The following MED12L variants were observed in gnomAD, a reference collection of about 807,000 sequenced individuals.
MED12L encodes the protein mediator complex subunit 12L.
A neutral mutation model predicts 281.3 loss-of-function variants in MED12L; 60 were observed. The observed-to-expected ratio is 0.21, with a 90% CI of 0.17 to 0.26. The LOEUF (loss-of-function observed/expected upper bound fraction) is 0.26, where lower values mean the gene tolerates loss of function less well. Among genes scored for constraint, MED12L ranks in the 10% least tolerant of loss-of-function variants. MED12L has a pLI of 1.00. For synonymous variants in MED12L, 974 were observed against 987.2 expected (o/e 0.99, Z 0.25); for missense variants, 2,146 against 2,680.9 (o/e 0.80, Z 4.41).
chr3:151,213,445 T>C (rs1209791286), intron 16 of MED12L: 1 of 1,614,166 alleles, frequency 6.2e-7, no homozygotes, highest in Non-Finnish European at 8.5e-7. Context: ...AATAATAGGG[T>C]CCAAGCATAC....
chr3:151,177,270 C>T (rs1436756571), intron 11 of MED12L, among the ~76,000 whole-genome samples: 7 of 152,268 alleles, frequency 4.6e-5, no homozygotes, highest in East Asian at 3.9e-4. Context: ...TTACATGTAA[C>T]GGTGATCCTC....
chr3:151,312,081 C>T (rs1173078056), intron 16 of MED12L, among the ~76,000 whole-genome samples: 2 of 152,136 alleles, frequency 1.3e-5, no homozygotes, highest in Non-Finnish European at 2.9e-5. Flanking sequence ...TGCAGTTTTT[C>T]CCAATTTGTC....
chr3:151,286,909 A>G (rs982863508), intron 16 of MED12L, among the ~76,000 whole-genome samples: 3 of 152,172 alleles, frequency 2.0e-5, no homozygotes, highest in African/African-American at 7.2e-5. Flanking sequence ...TCATAGTTAG[A>G]TATTGTCTGT....
chr3:151,357,295 G>C lies in MED12L; in HGVS notation c.2744G>C (p.Cys915Ser). Residue 915 changes from cysteine to serine, a missense_variant, in exon 20 of 45, where the codon TGT (cysteine) becomes TCT (serine). By Grantham distance (112) the Cys-to-Ser change is moderately radical. This residue lies in a region of MED12L where 404 missense variants were observed against 603.5 expected (regional missense o/e 0.67). Coordinates refer to ENST00000687756, the MANE Select transcript of MED12L (RefSeq NM_001393769.1). ...SLAGSYTTGLCVCIVAVLRRY... is the reference protein window; with the variant it reads ...SLAGSYTTGLSVCIVAVLRRY... Reference sequence around the variant, plus strand: ...GCAGGAAGTTATACAACAGGACTGTGTGTCTGCATCGTGGCTGTTCTCAGG... The same window carrying C: ...GCAGGAAGTTATACAACAGGACTGTCTGTCTGCATCGTGGCTGTTCTCAGG... 6.2e-7 allele frequency: 1 copy of C among 1,613,896 alleles called. No individual in the cohort carries two copies.
At chr3:151,180,189 T>C (rs1343279412) in intron 11 of MED12L, among the ~76,000 whole-genome samples, 2 of 152,188 alleles carry the variant, frequency 1.3e-5, no homozygotes, top group African/African-American at 2.4e-5. Context: ...TTCCTCAAGG[T>C]TTTAATTTCT....
At chr3:151,380,290 CA>C in intron 32 of MED12L, 66 bp downstream of exon 32, 1 of 1,109,378 alleles carries the variant, frequency 9.0e-7, no homozygotes, top group Admixed American at 2.3e-5. Context: ...ATTTGCCTTT[CA>C]AATACTGAGA....
chr3:151,326,504 C>T (rs1199431890), intron 16 of MED12L: 2 of 152,370 alleles, frequency 1.3e-5, no homozygotes, highest in Non-Finnish European at 2.9e-5. Flanking sequence ...GGATATTGGC[C>T]AGGTAATATT....
rs950019400 is a variant in MED12L at position 151,086,744 on chromosome 3, G to T, written c.-129-54G>T. Reference sequence around the variant, plus strand: ...CCGAAGGCTGTCCCCATCAGTGCGTGTCTGCTGCCGGGCAGCGGCAGCATC... The same window carrying T: ...CCGAAGGCTGTCCCCATCAGTGCGTTTCTGCTGCCGGGCAGCGGCAGCATC... On this transcript the variant is annotated intron_variant, in intron 1 of 44. Coordinates refer to ENST00000687756, the MANE Select transcript of MED12L (RefSeq NM_001393769.1). 5.3e-5 allele frequency: 29 copies of T among 543,740 alleles called. No individual in the cohort carries two copies. In the African/African-American group the frequency reaches 5.7e-4, roughly 11 times the overall value. The allele number at this position is 543,740 out of a possible 1,614,324, so 33.7% of individuals were successfully genotyped here.
At chr3:151,146,820 T>C (rs1717818305) in intron 5 of MED12L, among the ~76,000 whole-genome samples, 1 of 151,944 alleles carries the variant, frequency 6.6e-6, no homozygotes, top group African/African-American at 2.4e-5. Context: ...CCCCTCCTCC[T>C]TTTCTCTCTT....
chr3:151,339,527 A>G (rs1751521870), intron 16 of MED12L, among the ~76,000 whole-genome samples: 1 of 151,790 alleles, frequency 6.6e-6, no homozygotes, highest in South Asian at 2.1e-4. Flanking sequence ...ACGGAGATTC[A>G]TTATTCTGCT....
Position 151,243,284 on chromosome 3 carries a change from C to T in MED12L, c.2250+49618C>T, listed in dbSNP as rs377679662. 3.6e-4 allele frequency among the ~76,000 whole-genome samples: 54 copies of T among 151,150 alleles called. No homozygotes were observed. The Middle Eastern group carries it at 0.017, about 48-fold the overall frequency. ...CAGAGAACGCCACAAAGATACTCCTCGAGAAGAGCAACTCCAAGACACATA... is the reference window on the plus strand; with the variant it reads ...CAGAGAACGCCACAAAGATACTCCTTGAGAAGAGCAACTCCAAGACACATA... On this transcript the variant is annotated intron_variant, in intron 16 of 44. Transcript: ENST00000687756.
Position 151,382,755 on chromosome 3 carries a change from A to G in MED12L, c.4680+10A>G, listed in dbSNP as rs1712614135. On this transcript the variant is annotated intron_variant, in intron 33 of 44. Coordinates refer to ENST00000687756, the MANE Select transcript of MED12L (RefSeq NM_001393769.1). Reference sequence around the variant, plus strand: ...ACTCCGCCTAAATTTGGTAAGTGACATTTCTAGTATTTTCCCTCCATTAAA... The same window carrying G: ...ACTCCGCCTAAATTTGGTAAGTGACGTTTCTAGTATTTTCCCTCCATTAAA... 1.4e-5 allele frequency: 22 copies of G among 1,598,032 alleles called. No individual in the cohort carries two copies. Among genetic ancestry groups the G allele is most frequent in the Non-Finnish European group, 1.9e-5 (22 of 1,169,760 alleles).
intron 38 of MED12L, among the ~76,000 whole-genome samples, chr3:151,391,335 C>T (rs1433008474): frequency 6.6e-6 from 1 of 152,100 alleles, no homozygotes; most frequent in African/African-American, 2.4e-5. Context: ...GCCTGCAGTG[C>T]TCTCCCTCAA....
At chr3:151,088,289 C>T (rs1394512960) in intron 2 of MED12L, among the ~76,000 whole-genome samples, 2 of 152,146 alleles carry the variant, frequency 1.3e-5, no homozygotes, top group Non-Finnish European at 2.9e-5. Context: ...TTTCCAGCAC[C>T]AGCTTTACAG....
In MED12L at chr3:151,193,531, C is replaced by T; in HGVS notation, c.2115C>T (p.Asn705=). Residue 705 remains asparagine (N), a synonymous_variant, in exon 16 of 45, where the codon AAC becomes AAT. Coordinates refer to ENST00000687756, the MANE Select transcript of MED12L (RefSeq NM_001393769.1). ...PMPGESCENA[N]TSLGRRMSVN... is the part of the protein sequence containing the mutation. ...CTGGAGAATCCTGTGAGAATGCCAA[C>T]ACTTCGTTGGGCAGAAGAATGTCAG... 6.2e-7 allele frequency: 1 copy of T among 1,613,878 alleles called. No individual in the cohort carries two copies.
rs1438532551 is a variant in MED12L, at chr3:151,394,772, A to G, written c.5725A>G (p.Ile1909Val). ...AMMQPPSLHA[I>V]TSQQQLIQMK... ...GATGCAGCCGCCTTCTCTTCATGCA[A>G]TCACATCGCAGCAGCAGTTGATACA... Residue 1909 changes from isoleucine to valine, a missense_variant, in exon 39 of 45, where the codon ATC becomes GTC. Physicochemically the swap from Ile to Val is conservative, Grantham distance 29. Transcript: ENST00000687756. The G allele has an allele frequency of 4.3e-6, 7 of 1,614,228 alleles. No individual in the cohort carries two copies. Among genetic ancestry groups the G allele is most frequent in the East Asian group, 2.2e-5 (1 of 44,890 alleles).
chr3:151,306,775 C>CTGGTCAT (rs2149753744), intron 16 of MED12L, among the ~76,000 whole-genome samples: 1 of 152,348 alleles, frequency 6.6e-6, no homozygotes, highest in East Asian at 1.9e-4. Context: ...TTATTGCCCT[C>CTGGTCAT]TGGTCAGGAT....
At chr3:151,349,266 CT>C (rs1752937644) in intron 16 of MED12L, among the ~76,000 whole-genome samples, 1 of 152,096 alleles carries the variant, frequency 6.6e-6, no homozygotes, top group Non-Finnish European at 1.5e-5. Context: ...AAAAATGGTG[CT>C]TGGATTCACT....
At chr3:151,331,144 TAG>T (rs1177185377) in intron 16 of MED12L, among the ~76,000 whole-genome samples, 4 of 152,222 alleles carry the variant, frequency 2.6e-5, no homozygotes, top group African/African-American at 7.2e-5. Context: ...GTTATGGAAA[TAG>T]AGTCTCTTAA....
Sources: gnomAD v4.1 joint callset for allele counts (sites outside exome capture counted in the v4.1 genomes callset) on GRCh38, gnomAD v4.1.1 for gene constraint, gnomAD v4.1.1 regional missense constraint, MANE v1.5 for transcripts, NCBI Gene and HGNC (gene_info 2026-07-23, HGNC 2026-07-21) for gene names.